AP3S2: variants seen among roughly 807,000 people sequenced by gnomAD.
The protein encoded by AP3S2 is AP-3 complex subunit sigma-2.
Under a neutral mutation model 23.4 loss-of-function variants are expected in AP3S2, and 22 were observed. That is an observed-to-expected ratio of 0.94 (90% CI 0.67 to 1.34). The LOEUF (loss-of-function observed/expected upper bound fraction) is 1.34. Ranked by LOEUF, AP3S2 falls within the 40% of genes most tolerant of loss-of-function variation. The probability of loss-of-function intolerance (pLI) is 0.00; values close to 1 mark genes in which losing one functional copy is unlikely to be tolerated. For missense variants in AP3S2, 241 were observed against 236.9 expected (o/e 1.02, Z -0.11); for synonymous variants, 86 against 87.1 (o/e 0.99, Z 0.07).
rs1004873710 is a variant in AP3S2, at chr15:89,863,182, A to G, written c.345+8293T>C. ...GACTAGGAAACGGCCACAGGATTTGAAAATTGGGAAATCATCAGTGAATTC... is the reference window on the plus strand; with the variant it reads ...GACTAGGAAACGGCCACAGGATTTGGAAATTGGGAAATCATCAGTGAATTC... On this transcript the variant is annotated intron_variant, in intron 4 of 5. Transcript: ENST00000336418. Among the ~76,000 whole-genome samples, 4 of 152,340 alleles carry G rather than the reference A, an allele frequency of 2.6e-5. No individual in the cohort carries two copies. The South Asian group carries it at 6.2e-4, about 24-fold the overall frequency.
At chr15:89,882,611 G>A (rs2083279) in intron 3 of AP3S2, among the ~76,000 whole-genome samples, 1 of 151,814 alleles carries the variant, frequency 6.6e-6, no homozygotes, top group Non-Finnish European at 1.5e-5. Context: ...TGCCCGCCTC[G>A]GCCTCCCAAA....
At chr15:89,870,669 GT>G (rs1896297772) in intron 4 of AP3S2, among the ~76,000 whole-genome samples, 1 of 152,142 alleles carries the variant, frequency 6.6e-6, no homozygotes, top group Non-Finnish European at 1.5e-5. Flanking sequence ...TGATGAAAAG[GT>G]TAATAAAGGA....
At chr15:89,856,576 C>A (rs759336560) in intron 4 of AP3S2, among the ~76,000 whole-genome samples, 1 of 152,018 alleles carries the variant, frequency 6.6e-6, no homozygotes, top group African/African-American at 2.4e-5. Flanking sequence ...GTGGTGCGCA[C>A]CTGTAATCCC....
At chr15:89,850,761 A>G (rs1389763388) in intron 4 of AP3S2, 2 of 150,812 alleles carry the variant, frequency 1.3e-5, no homozygotes, top group Non-Finnish European at 2.9e-5. Flanking sequence ...ACTATCACTC[A>G]AGCTGCAGAG....
chr15:89,848,352 A>G (rs1300492994), intron 4 of AP3S2, among the ~76,000 whole-genome samples: 1 of 152,242 alleles, frequency 6.6e-6, no homozygotes, highest in African/African-American at 2.4e-5. Context: ...TAAAAAGCTG[A>G]GTGCTGATAG....
At position 89,855,538 on chromosome 15, in the gene AP3S2, A is replaced by T. The variant is rs868516178; in HGVS notation, c.345+15937T>A. Reference sequence around the variant, plus strand: ...GAATTATCAATAAAAGAATAAATTAAAAAAAAAAAAAAAGAATGGACTTTC... The same window carrying T: ...GAATTATCAATAAAAGAATAAATTATAAAAAAAAAAAAAGAATGGACTTTC... On this transcript the variant is annotated intron_variant, in intron 4 of 5. Transcript: ENST00000336418. Among the ~76,000 whole-genome samples, 8 of 45,426 alleles carry T rather than the reference A, an allele frequency of 1.8e-4. No homozygotes were observed. In the East Asian group the frequency reaches 8.7e-3, roughly 49 times the overall value. 29.8% of individuals were successfully genotyped at this position (45,426 alleles called of 152,430 possible). A position where few individuals can be genotyped will look rare whatever the true frequency, so the allele number is the denominator to read the frequency against.
At chr15:89,862,491 G>C (rs1896028842) in intron 4 of AP3S2, among the ~76,000 whole-genome samples, 1 of 152,000 alleles carries the variant, frequency 6.6e-6, no homozygotes, top group Admixed American at 6.5e-5. Context: ...AATCGTTCAG[G>C]AAAAAAAGTA....
intron 3 of AP3S2, chr15:89,876,852 G>T (rs1896454434): frequency 1.2e-5 from 2 of 165,390 alleles, no homozygotes; most frequent in African/African-American, 4.8e-5. Flanking sequence ...CAATGTTGCT[G>T]CCCTGTTGGC....
intron 4 of AP3S2, among the ~76,000 whole-genome samples, chr15:89,863,085 A>G (rs1394319859): frequency 1.3e-5 from 2 of 152,170 alleles, no homozygotes; most frequent in Non-Finnish European, 2.9e-5. Context: ...AGAAAGGTGG[A>G]AAAAGATTAA....
At chr15:89,883,593 G>T (rs770235331) in intron 3 of AP3S2, among the ~76,000 whole-genome samples, 1 of 151,970 alleles carries the variant, frequency 6.6e-6, no homozygotes, top group Non-Finnish European at 1.5e-5. Context: ...TGCCCAGGCT[G>T]GTCTTGAACT....
chr15:89,857,562 T>G (rs1341426301), intron 4 of AP3S2, among the ~76,000 whole-genome samples: 1 of 152,214 alleles, frequency 6.6e-6, no homozygotes, highest in Non-Finnish European at 1.5e-5. Flanking sequence ...TTAAATTCAT[T>G]TGGGAAGTAT....
chr15:89,875,778 GTC>G (rs1257948865), intron 3 of AP3S2, among the ~76,000 whole-genome samples: 4 of 152,142 alleles, frequency 2.6e-5, no homozygotes, highest in African/African-American at 9.7e-5. Flanking sequence ...GCAAAGCCCT[GTC>G]TCTATAAAAA....
chr15:89,879,525 A>C (rs979934466), intron 3 of AP3S2, among the ~76,000 whole-genome samples: 3 of 152,238 alleles, frequency 2.0e-5, no homozygotes, highest in African/African-American at 7.2e-5. Flanking sequence ...CGTCAAAAAA[A>C]ACTGCATGTG....
Position 89,847,593 on chromosome 15 carries a change from G to A in AP3S2, c.346-9871C>T, listed in dbSNP as rs139006342. 4.3e-3 allele frequency among the ~76,000 whole-genome samples: 659 copies of A among 152,180 alleles called. 5 individuals are homozygous for A. Among genetic ancestry groups the A allele is most frequent in the Middle Eastern group, 0.034 (10 of 294 alleles). On this transcript the variant is annotated intron_variant, in intron 4 of 5. Coordinates refer to ENST00000336418, the MANE Select transcript of AP3S2 (RefSeq NM_005829.5). Reference sequence around the variant, plus strand: ...ATGCTCTTCAAGGGTTCCATCCCTGGTTGTTTCTCACTGAAATCAAAGAAA... The same window carrying A: ...ATGCTCTTCAAGGGTTCCATCCCTGATTGTTTCTCACTGAAATCAAAGAAA...
In AP3S2 at chr15:89,872,123, A is replaced by C. The variant is rs554799373; in HGVS notation, c.274-577T>G. Among the ~76,000 whole-genome samples the C allele has an allele frequency of 5.3e-4, 81 of 151,758 alleles. 1 individual carries two copies. In the South Asian group the frequency reaches 0.016, roughly 30 times the overall value. On this transcript the variant is annotated intron_variant, in intron 3 of 5. Transcript: ENST00000336418. ...GACAGAGTGAGAGTCTCTCAAAAAA[A>C]AAAAAAGAAAAAAGAAAAAAAATTA...
rs1029139109 is a variant in AP3S2, at chr15:89,832,435, C to G, written c.*3080G>C. On this transcript the variant is annotated 3_prime_UTR_variant, in exon 6 of 6. Coordinates refer to ENST00000336418, the MANE Select transcript of AP3S2 (RefSeq NM_005829.5). ...CTCCAGCCTGAGCCACAGTGTGAGACCCCCATCTCACAAAAAAAGGAAAGC... is the reference window on the plus strand; with the variant it reads ...CTCCAGCCTGAGCCACAGTGTGAGAGCCCCATCTCACAAAAAAAGGAAAGC... 1 of 151,790 alleles carries G rather than the reference C, an allele frequency of 6.6e-6. No individual in the cohort carries two copies. Among genetic ancestry groups the G allele is most frequent in the Non-Finnish European group, 1.5e-5 (1 of 68,022 alleles). 9.4% of individuals were successfully genotyped at this position (151,790 alleles called of 1,614,324 possible). A position where few individuals can be genotyped will look rare whatever the true frequency, so the allele number is the denominator to read the frequency against.
intron 4 of AP3S2, among the ~76,000 whole-genome samples, chr15:89,839,935 C>G (rs1272329043): frequency 4.0e-5 from 6 of 151,126 alleles, no homozygotes; most frequent in African/African-American, 1.5e-4. Context: ...CTTGAAGATA[C>G]TATAAGTGAA....
chr15:89,886,943 TGC>T (rs775604473), intron 3 of AP3S2, among the ~76,000 whole-genome samples: 28 of 152,128 alleles, frequency 1.8e-4, no homozygotes, highest in Non-Finnish European at 3.8e-4. Flanking sequence ...TACAGGCATA[TGC>T]CACCAGGCCC....
intron 4 of AP3S2, among the ~76,000 whole-genome samples, chr15:89,869,581 A>G (rs1315419367): frequency 2.0e-5 from 3 of 151,006 alleles, no homozygotes; most frequent in Admixed American, 6.6e-5. Context: ...AAAAAAAAAA[A>G]AAAAAGAAAA....
Sources: allele counts gnomAD v4.1 joint callset (sites outside exome capture counted in the v4.1 genomes callset), GRCh38; gene constraint gnomAD v4.1.1; transcripts MANE v1.5; gene names NCBI Gene and HGNC (gene_info 2026-07-23, HGNC 2026-07-21).